Variants in LGSN observed in about 807,000 individuals in gnomAD.
LGSN encodes lengsin, lens protein with glutamine synthetase domain.
A neutral mutation model predicts 19.5 loss-of-function variants in LGSN; 21 were observed. The ratio of observed to expected loss-of-function variants is 1.07; its 90% CI spans 0.76 to 1.55. LGSN has a LOEUF of 1.55. Ranked by LOEUF, LGSN falls within the 40% of genes most tolerant of loss-of-function variation. The pLI, the probability that LGSN is intolerant of heterozygous loss-of-function variation, is 0.00. For missense variants in LGSN, 673 were observed against 608.5 expected, an observed-to-expected ratio of 1.11 and a Z score of -1.12; for synonymous variants, 257 against 215.6, an observed-to-expected ratio of 1.19 and a Z score of -1.68.
chr6:63,480,089 T>C, the LGSN span: 1 of 171,972 alleles, frequency 5.8e-6, no homozygotes. Context: ...ACAACCTGTG[T>C]TCCTTCCTTT....
At chr6:63,386,925 A>G in the LGSN span, among the ~76,000 whole-genome samples, 9 of 151,928 alleles carry the variant, frequency 5.9e-5, no homozygotes, top group African/African-American at 2.2e-4. Flanking sequence ...ATATGGTGAA[A>G]CCTCGTCTCT....
chr6:63,489,668 C>T, the LGSN span, among the ~76,000 whole-genome samples: 1 of 152,086 alleles, frequency 6.6e-6, no homozygotes, highest in African/African-American at 2.4e-5. Flanking sequence ...CCACACCCGA[C>T]CTGGATTTTA....
At chr6:63,535,986 T>G in the LGSN span, among the ~76,000 whole-genome samples, 1 of 148,738 alleles carries the variant, frequency 6.7e-6, no homozygotes. Context: ...TTGGCCAGGG[T>G]GGCCTGGAAC....
the LGSN span, among the ~76,000 whole-genome samples, chr6:63,406,035 G>C: frequency 3.3e-5 from 5 of 152,072 alleles, no homozygotes; most frequent in South Asian, 2.1e-4. Context: ...AGCAAGTCCT[G>C]AGTGACCTAC....
At chr6:63,538,573 A>G in the LGSN span, among the ~76,000 whole-genome samples, 1 of 152,252 alleles carries the variant, frequency 6.6e-6, no homozygotes, top group Admixed American at 6.5e-5. Context: ...ACTTGGTCCA[A>G]GCATATAAAA....
the LGSN span, among the ~76,000 whole-genome samples, chr6:63,531,362 T>TA: frequency 1.3e-5 from 2 of 150,508 alleles, no homozygotes; most frequent in Admixed American, 6.7e-5. Flanking sequence ...ACTAAAACAA[T>TA]AAAAAATTTA....
chr6:63,317,443 A>G (rs140986641), intron 1 of LGSN, among the ~76,000 whole-genome samples: 1 of 152,300 alleles, frequency 6.6e-6, no homozygotes, highest in East Asian at 1.9e-4. Context: ...TGAAACTCAA[A>G]TCTAATTTTT....
the LGSN span, among the ~76,000 whole-genome samples, chr6:63,332,029 T>A: frequency 6.6e-6 from 1 of 152,154 alleles, no homozygotes; most frequent in Non-Finnish European, 1.5e-5. Flanking sequence ...ACACCTTTTG[T>A]CCTCACTTAT....
At chr6:63,284,743 G>T (rs933789453) in intron 3 of LGSN, among the ~76,000 whole-genome samples, 2 of 152,132 alleles carry the variant, frequency 1.3e-5, no homozygotes, top group Non-Finnish European at 2.9e-5. Flanking sequence ...AACAATATCT[G>T]CAAGCAGGTC....
At chr6:63,472,506 C>G in the LGSN span, among the ~76,000 whole-genome samples, 1 of 152,152 alleles carries the variant, frequency 6.6e-6, no homozygotes, top group East Asian at 1.9e-4. Context: ...ATGAGCTCCC[C>G]AGAGAGAGTC....
the LGSN span, among the ~76,000 whole-genome samples, chr6:63,400,926 G>A: frequency 1.8e-4 from 28 of 152,102 alleles, no homozygotes; most frequent in Non-Finnish European, 3.7e-4. Flanking sequence ...CCCAGGAGGT[G>A]GAGGTTGCAG....
At chr6:63,412,408 A>G in the LGSN span, among the ~76,000 whole-genome samples, 23 of 134,710 alleles carry the variant, frequency 1.7e-4, no homozygotes, top group African/African-American at 7.5e-4. Context: ...GGAAAGAAAG[A>G]AAGAAAGAAG....
chr6:63,440,330 T>TC, the LGSN span, among the ~76,000 whole-genome samples: 1 of 152,286 alleles, frequency 6.6e-6, no homozygotes, highest in East Asian at 1.9e-4. Flanking sequence ...GAGCCTGGCC[T>TC]CCTCAGTTCC....
chr6:63,329,777 C>G, the LGSN span, among the ~76,000 whole-genome samples: 1 of 152,182 alleles, frequency 6.6e-6, no homozygotes. Flanking sequence ...TAATATATCC[C>G]TCCCTAATAA....
the LGSN span, among the ~76,000 whole-genome samples, chr6:63,341,918 T>G: frequency 6.6e-6 from 1 of 152,190 alleles, no homozygotes; most frequent in Non-Finnish European, 1.5e-5. Context: ...GTGTGTCCTC[T>G]GTTCAACCAC....
At chr6:63,508,853 A>G in the LGSN span, among the ~76,000 whole-genome samples, 1 of 146,656 alleles carries the variant, frequency 6.8e-6, no homozygotes, top group Non-Finnish European at 1.5e-5. Flanking sequence ...CAGGAGGTGG[A>G]GGTTGCAGTG....
the LGSN span, among the ~76,000 whole-genome samples, chr6:63,470,977 G>C: frequency 2.9e-5 from 2 of 70,072 alleles, no homozygotes; most frequent in Non-Finnish European, 5.1e-5. Flanking sequence ...TTTTGCTCTT[G>C]TTGCCCAGGC....
At chr6:63,437,656 G>C in the LGSN span, among the ~76,000 whole-genome samples, 6 of 152,164 alleles carry the variant, frequency 3.9e-5, no homozygotes, top group Non-Finnish European at 8.8e-5. Flanking sequence ...GTACAGGCTG[G>C]GCACAGTGGT....
chr6:63,323,605 CAG>C (rs1193267210), upstream of LGSN, among the ~76,000 whole-genome samples: 2 of 145,824 alleles, frequency 1.4e-5, no homozygotes, highest in Non-Finnish European at 3.0e-5. Flanking sequence ...CACACACACA[CAG>C]GTTATGTTAA....
Sources: allele counts gnomAD v4.1 joint callset (sites outside exome capture counted in the v4.1 genomes callset), GRCh38; gene constraint gnomAD v4.1.1; transcripts MANE v1.5; gene names NCBI Gene and HGNC (gene_info 2026-07-23, HGNC 2026-07-21).